Variants in CCDC15 observed in about 807,000 individuals in gnomAD.
CCDC15 encodes coiled-coil domain containing 15, also known as coiled-coil domain-containing protein 15.
A neutral mutation model predicts 114.5 loss-of-function variants in CCDC15; 105 were observed. The observed-to-expected ratio is 0.92, with a 90% CI of 0.78 to 1.08. CCDC15 has a LOEUF of 1.08. Among genes scored for constraint, CCDC15 ranks in the 50% least tolerant of loss-of-function variants. CCDC15 has a pLI of 0.00. For synonymous variants in CCDC15, 334 were observed against 377.8 expected (o/e 0.88, Z 1.34); for missense variants, 1,105 against 1,093.6 (o/e 1.01, Z -0.15).
chr11:124,974,424 G>A (rs1947938677), intron 4 of CCDC15, among the ~76,000 whole-genome samples: 3 of 152,190 alleles, frequency 2.0e-5, no homozygotes, highest in Admixed American at 6.5e-5. Flanking sequence ...TGGAGATAAG[G>A]AATGAACACG....
chr11:124,987,188 A>G lies in CCDC15; in HGVS notation c.962A>G (p.His321Arg). Reference protein sequence around the residue: ...LMEEEEQKQLHFEGLQDILPE... With the variant: ...LMEEEEQKQLRFEGLQDILPE... The stretch of plus-strand genomic sequence containing the variant: ...GAAGAGGAAGAACAAAAGCAGTTAC[A>G]TTTTGAGGGCCTTCAGGATATTCTG... Residue 321 changes from histidine (H) to arginine (R), a missense_variant, in exon 8 of 16, where the codon CAT becomes CGT. Coordinates refer to ENST00000344762, the MANE Select transcript of CCDC15 (RefSeq NM_025004.3). 2 of 1,523,888 alleles carry G rather than the reference A, an allele frequency of 1.3e-6. No individual in the cohort carries two copies. Among genetic ancestry groups the G allele is most frequent in the Admixed American group, 2.3e-5 (1 of 44,064 alleles). 94.4% of individuals were successfully genotyped at this position (1,523,888 alleles called of 1,614,324 possible).
intron 6 of CCDC15, among the ~76,000 whole-genome samples, chr11:124,985,527 G>A (rs927124399): frequency 4.6e-5 from 7 of 152,102 alleles, no homozygotes; most frequent in African/African-American, 1.7e-4. Flanking sequence ...CCTAGTAGAT[G>A]TGAATTGGTA....
chr11:125,008,149 A>C (rs1948564989), intron 13 of CCDC15, among the ~76,000 whole-genome samples: 1 of 152,200 alleles, frequency 6.6e-6, no homozygotes, highest in Non-Finnish European at 1.5e-5. Context: ...GAGTCTTTCT[A>C]TCCATGACCA....
At chr11:124,992,457 G>T (rs555509134) in intron 9 of CCDC15, 123 bp from the exon 10 acceptor site, 5 of 624,316 alleles carry the variant, frequency 8.0e-6, no homozygotes, top group East Asian at 5.5e-5. Flanking sequence ...ATATCAAAAC[G>T]TATCAGAATA....
Position 124,986,691 on chromosome 11 carries a change from T to TGTGTGTGTG in CCDC15, c.754-51_754-50insGTGTGTGTG, listed in dbSNP as rs1555068459. The TGTGTGTGTG allele has an allele frequency of 2.5e-3, 3,007 of 1,219,656 alleles. 45 individuals are homozygous for TGTGTGTGTG. The highest frequency in any genetic ancestry group is 8.8e-3 in the Middle Eastern group (40 of 4,562). The allele number at this position is 1,219,656 out of a possible 1,614,324, so 75.6% of individuals were successfully genotyped here. ...GCTGTGTGTGTGTGTGTGTGTGTGT[T>TGTGTGTGTG]TGTGTGTGTGCGCGCGCGCGCGTGC... On this transcript the variant is annotated intron_variant, in intron 6 of 15. Coordinates refer to ENST00000344762, the MANE Select transcript of CCDC15 (RefSeq NM_025004.3).
chr11:124,986,448 A>G lies in CCDC15; in HGVS notation c.754-294A>G, dbSNP rs527289563. The stretch of plus-strand genomic sequence containing the variant: ...TTTGAGAAATATTACCATCTTACCA[A>G]TCTTTTCTCTTGATCCATGAACATG... On this transcript the variant is annotated intron_variant, in intron 6 of 15. Transcript: ENST00000344762. Among the ~76,000 whole-genome samples the G allele has an allele frequency of 8.5e-5, 13 of 152,282 alleles. No individual in the cohort carries two copies. The East Asian group carries it at 2.3e-3, about 27-fold the overall frequency.
chr11:124,997,317 C>T (rs66541935), intron 11 of CCDC15, among the ~76,000 whole-genome samples: 16,254 of 152,230 alleles, frequency 0.11, 1,330 homozygotes, highest in East Asian at 0.4. Context: ...TTGAAACAGA[C>T]TGTCACTCAG....
Position 124,959,240 on chromosome 11 carries a change from A to G in CCDC15, c.303A>G (p.Gln101=), listed in dbSNP as rs1479730749. 1.3e-6 allele frequency: 2 copies of G among 1,580,830 alleles called. No individual in the cohort carries two copies. Among genetic ancestry groups the G allele is most frequent in the Admixed American group, 1.9e-5 (1 of 51,426 alleles). The change falls in exon 3 of 16, where the codon CAA becomes CAG. Residue 101 remains glutamine (Q), a synonymous_variant. Transcript: ENST00000344762. The stretch of plus-strand genomic sequence containing the variant: ...AACAAATTAGGTTGAGAAAAAAGCA[A>G]CAGCTTCAGAAGTCTTATGAAAGAG... The part of the protein sequence containing the change: ...VNQQIRLRKK[Q]QLQKSYERAQ...
intron 1 of CCDC15, 33 bp from the exon 2 acceptor site, chr11:124,954,691 G>T: frequency 6.2e-7 from 1 of 1,600,780 alleles, no homozygotes; most frequent in Non-Finnish European, 8.5e-7. Flanking sequence ...GCAGTCATTT[G>T]AAGATTTTAA....
In CCDC15 at chr11:124,977,467, T is replaced by G; in HGVS notation, c.631-11T>G. ...TAGACCTATTTATATTTGTAGTAAT[T>G]TTTTTTCCAGGAAGTGCTTTCCAGG... On this transcript the variant is annotated splice_polypyrimidine_tract_variant and intron_variant, in intron 5 of 15. Transcript: ENST00000344762. The G allele has an allele frequency of 1.9e-6, 3 of 1,571,558 alleles. No individual in the cohort carries two copies. The highest frequency in any genetic ancestry group is 2.6e-6 in the Non-Finnish European group (3 of 1,160,202).
chr11:124,979,482 T>C (rs1948029614), intron 6 of CCDC15, among the ~76,000 whole-genome samples: 2 of 152,188 alleles, frequency 1.3e-5, no homozygotes, highest in Non-Finnish European at 2.9e-5. Context: ...TAATTCTTAT[T>C]GTAGAGGCCT....
intron 11 of CCDC15, among the ~76,000 whole-genome samples, chr11:124,994,531 G>A (rs1308246444): frequency 1.3e-5 from 2 of 152,134 alleles, no homozygotes; most frequent in East Asian, 3.9e-4. Flanking sequence ...TATTTCTGAT[G>A]GCCATTGTCT....
chr11:124,982,587 T>A (rs1398616833), intron 6 of CCDC15, among the ~76,000 whole-genome samples: 1 of 152,258 alleles, frequency 6.6e-6, no homozygotes, highest in Non-Finnish European at 1.5e-5. Context: ...TTGTAAATTC[T>A]CTTCTTTAAG....
intron 4 of CCDC15, among the ~76,000 whole-genome samples, chr11:124,961,655 A>C (rs1947659290): frequency 6.6e-6 from 1 of 152,062 alleles, no homozygotes; most frequent in South Asian, 2.1e-4. Flanking sequence ...CAGCCTCCTG[A>C]GTAGCTGGGG....
chr11:125,010,672 A>G (rs1039493691), intron 13 of CCDC15, among the ~76,000 whole-genome samples: 2 of 152,034 alleles, frequency 1.3e-5, no homozygotes, highest in Non-Finnish European at 2.9e-5. Context: ...AATTGTTTAA[A>G]TTCCTTATAG....
intron 11 of CCDC15, among the ~76,000 whole-genome samples, chr11:124,997,975 T>C (rs1026431092): frequency 1.3e-5 from 2 of 151,914 alleles, no homozygotes; most frequent in South Asian, 2.1e-4. Context: ...AAACTGCCAG[T>C]GAAGCTCAAG....
chr11:124,994,982 G>A (rs1948338959), intron 11 of CCDC15, among the ~76,000 whole-genome samples: 1 of 152,178 alleles, frequency 6.6e-6, no homozygotes, highest in African/African-American at 2.4e-5. Context: ...AGGCAAAGAA[G>A]CAGAAAATAG....
chr11:124,983,284 G>A (rs1432014641), intron 6 of CCDC15, among the ~76,000 whole-genome samples: 1 of 152,112 alleles, frequency 6.6e-6, no homozygotes, highest in East Asian at 1.9e-4. Context: ...TTCTATTCCT[G>A]TTATCTCAAC....
intron 4 of CCDC15, among the ~76,000 whole-genome samples, chr11:124,972,502 C>T (rs1160523894): frequency 6.6e-6 from 1 of 152,132 alleles, no homozygotes; most frequent in Non-Finnish European, 1.5e-5. Flanking sequence ...TAATATCCCC[C>T]TGGGTTCTAT....
Sources: allele counts gnomAD v4.1 joint callset (sites outside exome capture counted in the v4.1 genomes callset), GRCh38; gene constraint gnomAD v4.1.1; transcripts MANE v1.5; gene names NCBI Gene and HGNC (gene_info 2026-07-23, HGNC 2026-07-21).